The following PARD3B variants were observed in gnomAD, a reference collection of about 807,000 sequenced individuals.
The protein encoded by PARD3B is partitioning defective 3 homolog B.
Under a neutral mutation model 130.2 loss-of-function variants are expected in PARD3B, and 103 were observed. That is an observed-to-expected ratio of 0.79 (90% CI 0.67 to 0.93). PARD3B has a LOEUF of 0.93. Ranked by LOEUF, PARD3B falls within the 40% of genes least tolerant of loss-of-function variation. The probability of loss-of-function intolerance (pLI) is 0.00; values close to 1 mark genes in which losing one functional copy is unlikely to be tolerated. For synonymous variants in PARD3B, 583 were observed against 553.2 expected (o/e 1.05, Z -0.76); for missense variants, 1,609 against 1,499.2 (o/e 1.07, Z -1.21).
chr2:204,786,795 C>T (rs1334690512), intron 2 of PARD3B, among the ~76,000 whole-genome samples: 1 of 151,268 alleles, frequency 6.6e-6, no homozygotes. Context: ...CAATGAGAAA[C>T]CGTATTCATC....
intron 19 of PARD3B, among the ~76,000 whole-genome samples, chr2:205,406,882 G>A (rs942520460): frequency 6.6e-6 from 1 of 151,884 alleles, no homozygotes; most frequent in Non-Finnish European, 1.5e-5. Flanking sequence ...TGTTGGCCAG[G>A]ATGGCCTCAG....
At chr2:205,030,702 T>A (rs1384710536) in intron 3 of PARD3B, among the ~76,000 whole-genome samples, 1 of 152,156 alleles carries the variant, frequency 6.6e-6, no homozygotes, top group Non-Finnish European at 1.5e-5. Context: ...ATTCTAAACA[T>A]AAGGGCTTAT....
chr2:205,328,574 A>G (rs1361544023), intron 18 of PARD3B, among the ~76,000 whole-genome samples: 5 of 152,216 alleles, frequency 3.3e-5, no homozygotes, highest in Non-Finnish European at 5.9e-5. Context: ...AATCAAATGC[A>G]TGAGTTATTT....
At chr2:205,544,848 A>T (rs1300736211) in intron 21 of PARD3B, among the ~76,000 whole-genome samples, 3 of 152,236 alleles carry the variant, frequency 2.0e-5, no homozygotes, top group African/African-American at 7.2e-5. Flanking sequence ...GATAACTTTT[A>T]TAAATGTGCA....
At chr2:205,445,850 C>T (rs528353635) in intron 20 of PARD3B, among the ~76,000 whole-genome samples, 65 of 152,260 alleles carry the variant, frequency 4.3e-4, no homozygotes, top group Non-Finnish European at 8.8e-4. Flanking sequence ...ATCCAAGATG[C>T]CATTTTTTAT....
chr2:204,864,787 C>A (rs1457349510), intron 2 of PARD3B, among the ~76,000 whole-genome samples: 2 of 152,120 alleles, frequency 1.3e-5, no homozygotes. Flanking sequence ...GTGTCTGGCA[C>A]TTTACAGAAA....
intron 19 of PARD3B, among the ~76,000 whole-genome samples, chr2:205,430,613 C>T (rs57729746): frequency 0.048 from 7,253 of 152,126 alleles, 607 homozygotes; most frequent in African/African-American, 0.17. Context: ...AGTTACTCTT[C>T]ATAAACAAGA....
chr2:204,867,265 A>G (rs996598359), intron 2 of PARD3B, among the ~76,000 whole-genome samples: 3 of 152,196 alleles, frequency 2.0e-5, no homozygotes, highest in African/African-American at 7.2e-5. Context: ...ATAAAACAAA[A>G]CAAAACAAAG....
chr2:205,266,557 G>A (rs576271836), intron 16 of PARD3B, among the ~76,000 whole-genome samples: 1 of 152,054 alleles, frequency 6.6e-6, no homozygotes, highest in Non-Finnish European at 1.5e-5. Flanking sequence ...TTAGCTTAGT[G>A]CCTAGAACAC....
Position 204,678,650 on chromosome 2 carries a change from GTC to G in PARD3B, c.121-7527_121-7526del, listed in dbSNP as rs2036671394. Among the ~76,000 whole-genome samples, 1 of 152,034 alleles carries G rather than the reference GTC, an allele frequency of 6.6e-6. No individual in the cohort carries two copies. The highest frequency in any genetic ancestry group is 1.5e-5 in the Non-Finnish European group (1 of 67,998). On this transcript the variant is annotated intron_variant, in intron 1 of 22. Coordinates refer to ENST00000406610, the MANE Select transcript of PARD3B (RefSeq NM_001302769.2). This position sits in a 1 kb window ranked among gnomAD's most constrained non-coding sequence, Gnocchi z 4.2. ...AGTCTCTGATGCGCAGTTGCTTCTA[GTC>G]TCTGATGCGCAGTTGCTTCTCCTCT...
intron 19 of PARD3B, among the ~76,000 whole-genome samples, chr2:205,411,327 A>C (rs2046589694): frequency 6.6e-6 from 1 of 152,116 alleles, no homozygotes; most frequent in Non-Finnish European, 1.5e-5. Context: ...TTATTTCTCA[A>C]GTGATTGTCA....
At position 205,440,571 on chromosome 2, in the gene PARD3B, T is replaced by C. The variant is rs1482483351; in HGVS notation, c.2943T>C (p.Gly981=). 1.2e-6 allele frequency: 2 copies of C among 1,614,082 alleles called. No individual in the cohort carries two copies. The highest frequency in any genetic ancestry group is 4.5e-5 in the East Asian group (2 of 44,866). ...SPSPPRAGPF[G]YPRDGHPLSP... ...CTCCCCCTCGAGCTGGACCATTTGG[T>C]TACCCTCGGGATGGCCATCCACTGT... The change falls in exon 20 of 23, where the codon GGT becomes GGC. Residue 981 remains glycine, a synonymous_variant. Transcript: ENST00000406610. This position sits in a 1 kb window ranked among gnomAD's most constrained non-coding sequence, Gnocchi z 4.2.
intron 1 of PARD3B, among the ~76,000 whole-genome samples, chr2:204,665,066 T>G (rs927513651): frequency 1.3e-5 from 2 of 151,860 alleles, no homozygotes; most frequent in Admixed American, 6.6e-5. Context: ...TTCAGAATAC[T>G]GCAGTGTGGT....
intron 10 of PARD3B, among the ~76,000 whole-genome samples, chr2:205,157,399 C>A (rs776327805): frequency 2.0e-5 from 3 of 152,056 alleles, no homozygotes; most frequent in South Asian, 2.1e-4. Context: ...TTTCTTTGAA[C>A]AACATATTGT....
Position 205,442,606 on chromosome 2 carries a change from G to A in PARD3B, c.3044+1934G>A, listed in dbSNP as rs188147147. On this transcript the variant is annotated intron_variant, in intron 20 of 22. Coordinates refer to ENST00000406610, the MANE Select transcript of PARD3B (RefSeq NM_001302769.2). ...ATAAGCCGCCGGGCCTGGGAAGAACGGGTTTTCTTATTGCAGTCTTTTTAT... is the reference window on the plus strand; with the variant it reads ...ATAAGCCGCCGGGCCTGGGAAGAACAGGTTTTCTTATTGCAGTCTTTTTAT... Among the ~76,000 whole-genome samples, 368 of 152,168 alleles carry A rather than the reference G, an allele frequency of 2.4e-3. 3 individuals are homozygous for A. In the South Asian group the frequency reaches 0.029, roughly 12 times the overall value.
intron 1 of PARD3B, among the ~76,000 whole-genome samples, chr2:204,609,579 A>G (rs536826117): frequency 6.6e-6 from 1 of 152,204 alleles, no homozygotes; most frequent in Non-Finnish European, 1.5e-5. Context: ...GGAGGATTCA[A>G]AGCTTTTCTA....
intron 2 of PARD3B, among the ~76,000 whole-genome samples, chr2:204,836,376 A>G (rs1292589901): frequency 1.3e-5 from 2 of 152,188 alleles, no homozygotes; most frequent in Non-Finnish European, 2.9e-5. Flanking sequence ...AAGTACCTTT[A>G]AATTGGCTGG....
At chr2:205,574,611 TAAAG>T (rs1395027353) in intron 22 of PARD3B, among the ~76,000 whole-genome samples, 6 of 152,000 alleles carry the variant, frequency 3.9e-5, no homozygotes, top group African/African-American at 1.2e-4. Context: ...CAGGAATCAA[TAAAG>T]ACTCACTGAC....
chr2:205,455,621 GTTATAA>G (rs2048247187), intron 20 of PARD3B, among the ~76,000 whole-genome samples: 2 of 151,350 alleles, frequency 1.3e-5, no homozygotes, highest in African/African-American at 4.9e-5. Context: ...TAACCATATA[GTTATAA>G]TTATTATATA....
Sources: allele counts gnomAD v4.1 joint callset (sites outside exome capture counted in the v4.1 genomes callset), GRCh38; gene constraint gnomAD v4.1.1; non-coding constraint Gnocchi (gnomAD v3.1); transcripts MANE v1.5; gene names NCBI Gene and HGNC (gene_info 2026-07-23, HGNC 2026-07-21).